Variants in EML4 observed in about 807,000 individuals in gnomAD.
The protein encoded by EML4 is EMAP like 4.
Under a neutral mutation model 129.0 loss-of-function variants are expected in EML4, and 72 were observed. That is an observed-to-expected ratio of 0.56 (90% CI 0.46 to 0.68). EML4 has a LOEUF of 0.68. Among genes scored for constraint, EML4 ranks in the 30% least tolerant of loss-of-function variants. The probability of loss-of-function intolerance (pLI) is 0.00; values close to 1 mark genes in which losing one functional copy is unlikely to be tolerated. For missense variants in EML4, 1,363 were observed against 1,190.6 expected, an observed-to-expected ratio of 1.14 and a Z score of -2.13; for synonymous variants, 532 against 405.0, an observed-to-expected ratio of 1.31 and a Z score of -3.77.
At chr2:42,188,741 G>T (rs2103886173) in intron 1 of EML4, among the ~76,000 whole-genome samples, 1 of 152,186 alleles carries the variant, frequency 6.6e-6, no homozygotes, top group Admixed American at 6.5e-5. Flanking sequence ...GGCCAGGTTG[G>T]TCTTGAACTA....
intron 1 of EML4, among the ~76,000 whole-genome samples, chr2:42,198,674 G>A (rs561334211): frequency 1.4e-4 from 21 of 152,238 alleles, no homozygotes; most frequent in African/African-American, 4.3e-4. Flanking sequence ...GAAGTATGAG[G>A]TGGAGGTGGT....
chr2:42,183,535 T>G (rs1299756480), intron 1 of EML4, among the ~76,000 whole-genome samples: 2 of 152,218 alleles, frequency 1.3e-5, no homozygotes, highest in Non-Finnish European at 2.9e-5. Context: ...TACTTTGTTA[T>G]CATACATCTT....
intron 21 of EML4, among the ~76,000 whole-genome samples, chr2:42,328,239 TCC>T (rs1437493649): frequency 1.3e-5 from 2 of 152,178 alleles, no homozygotes; most frequent in African/African-American, 4.8e-5. Context: ...CCTTAAATCT[TCC>T]ATAGTTTCAA....
chr2:42,310,882 G>A (rs1026364994), intron 17 of EML4, among the ~76,000 whole-genome samples: 1 of 151,956 alleles, frequency 6.6e-6, no homozygotes, highest in African/African-American at 2.4e-5. Context: ...CTTTTCTGAA[G>A]GTAAAACATA....
chr2:42,278,154 C>T (rs150042491), intron 6 of EML4, among the ~76,000 whole-genome samples: 86 of 152,302 alleles, frequency 5.6e-4, no homozygotes, highest in Middle Eastern at 3.4e-3. Flanking sequence ...CCCTTTAGCT[C>T]CTTTTGTAAC....
chr2:42,236,861 A>G (rs951980591), intron 1 of EML4, among the ~76,000 whole-genome samples: 4 of 152,212 alleles, frequency 2.6e-5, no homozygotes, highest in South Asian at 2.1e-4. Flanking sequence ...TCTGGTACGC[A>G]TAAGATAGTA....
At position 42,331,272 on chromosome 2, in the gene EML4, GT is replaced by G. The variant is rs928606191; in HGVS notation, c.*1073del. On this transcript the variant is annotated 3_prime_UTR_variant, in exon 23 of 23. Coordinates refer to ENST00000318522, the MANE Select transcript of EML4 (RefSeq NM_019063.5). ...AGAAGTGTGGGTAACAGTCACAGCA[GT>G]TTTTTTTACCAACAGCATACTTAAC... The G allele has an allele frequency of 1.3e-5, 3 of 223,178 alleles. No homozygotes were observed. The highest frequency in any genetic ancestry group is 2.2e-5 in the African/African-American group (1 of 44,742). The allele number at this position is 223,178 out of a possible 1,614,324, so 13.8% of individuals were successfully genotyped here.
At chr2:42,260,383 G>A (rs1412777946) in intron 3 of EML4, among the ~76,000 whole-genome samples, 1 of 152,124 alleles carries the variant, frequency 6.6e-6, no homozygotes, top group Admixed American at 6.5e-5. Context: ...GCCTGGGCTG[G>A]TCTTGAATTC....
At chr2:42,271,029 G>A (rs1459412808) in intron 6 of EML4, among the ~76,000 whole-genome samples, 4 of 152,086 alleles carry the variant, frequency 2.6e-5, no homozygotes, top group Admixed American at 1.3e-4. Flanking sequence ...CAGAGTAGCT[G>A]GCACATAGGA....
intron 3 of EML4, 146 bp downstream of exon 3, chr2:42,256,776 A>G (rs113457005): frequency 1.9e-6 from 2 of 1,031,416 alleles, no homozygotes; most frequent in Non-Finnish European, 2.8e-6. Flanking sequence ...AAGTAGAGAC[A>G]TTTAGCCTGT....
chr2:42,226,850 A>C (rs914854215), intron 1 of EML4, among the ~76,000 whole-genome samples: 3 of 152,224 alleles, frequency 2.0e-5, no homozygotes, highest in South Asian at 2.1e-4. Flanking sequence ...CCATAAATAT[A>C]TACAACTTTT....
chr2:42,315,642 G>A (rs1669205874), intron 17 of EML4, among the ~76,000 whole-genome samples: 1 of 152,224 alleles, frequency 6.6e-6, no homozygotes, highest in East Asian at 1.9e-4. Flanking sequence ...GGGAGGCTGA[G>A]GTGGGAGGAC....
intron 6 of EML4, among the ~76,000 whole-genome samples, chr2:42,265,420 A>G (rs1666002189): frequency 6.6e-6 from 1 of 152,036 alleles, no homozygotes; most frequent in Non-Finnish European, 1.5e-5. Flanking sequence ...TTGTATTTTT[A>G]GTAAAGATGG....
intron 1 of EML4, among the ~76,000 whole-genome samples, chr2:42,216,441 G>T (rs1436488732): frequency 6.6e-6 from 1 of 150,716 alleles, no homozygotes; most frequent in Non-Finnish European, 1.5e-5. Flanking sequence ...CGGGGTTTCA[G>T]CATCTTGGCC....
chr2:42,210,107 C>T (rs1371110042), intron 1 of EML4, among the ~76,000 whole-genome samples: 1 of 152,130 alleles, frequency 6.6e-6, no homozygotes, highest in Non-Finnish European at 1.5e-5. Flanking sequence ...CCCAATAACA[C>T]ATTGTATTAA....
At chr2:42,217,518 A>G (rs1572562628) in intron 1 of EML4, among the ~76,000 whole-genome samples, 2 of 152,166 alleles carry the variant, frequency 1.3e-5, no homozygotes, top group South Asian at 4.1e-4. Flanking sequence ...TTGAAACCTA[A>G]TATTTGTCTT....
At chr2:42,220,512 G>C (rs888600318) in intron 1 of EML4, among the ~76,000 whole-genome samples, 1 of 152,068 alleles carries the variant, frequency 6.6e-6, no homozygotes, top group East Asian at 1.9e-4. Context: ...TGTTCTGACT[G>C]CTCCACACAC....
intron 20 of EML4, 55 bp from the exon 21 acceptor site, chr2:42,326,099 C>A: frequency 6.3e-7 from 1 of 1,595,374 alleles, no homozygotes; most frequent in Admixed American, 1.8e-5. Flanking sequence ...GATGCACTTT[C>A]AAATACATTT....
chr2:42,174,189 T>C (rs1670438021), intron 1 of EML4, among the ~76,000 whole-genome samples: 1 of 152,246 alleles, frequency 6.6e-6, no homozygotes, highest in Non-Finnish European at 1.5e-5. Context: ...AAAAATATTT[T>C]GATTTTTAAA....
Sources: gnomAD v4.1 joint callset for allele counts (sites outside exome capture counted in the v4.1 genomes callset) on GRCh38, gnomAD v4.1.1 for gene constraint, MANE v1.5 for transcripts, NCBI Gene and HGNC (gene_info 2026-07-23, HGNC 2026-07-21) for gene names.